SLC43A2: variants seen among roughly 807,000 people sequenced by gnomAD.
SLC43A2 encodes the protein solute carrier family 43 member 2.
In SLC43A2, 38 loss-of-function variants were observed where a neutral mutation model predicts 63.2. The ratio of observed to expected loss-of-function variants is 0.60; its 90% CI spans 0.46 to 0.79. SLC43A2 has a LOEUF of 0.79. Among genes scored for constraint, SLC43A2 ranks in the 30% least tolerant of loss-of-function variants. The probability of loss-of-function intolerance (pLI) is 0.00; values close to 1 mark genes in which losing one functional copy is unlikely to be tolerated. For missense variants in SLC43A2, 644 were observed against 756.2 expected, an observed-to-expected ratio of 0.85 and a Z score of 1.74; for synonymous variants, 322 against 331.0, an observed-to-expected ratio of 0.97 and a Z score of 0.30.
At position 1,578,170 on chromosome 17, in the gene SLC43A2, G is replaced by A; in HGVS notation, c.1424+80C>T. 1.4e-6 allele frequency: 2 copies of A among 1,408,172 alleles called. No individual in the cohort carries two copies. The highest frequency in any genetic ancestry group is 1.0e-6 in the Non-Finnish European group (1 of 1,001,454). The allele number at this position is 1,408,172 out of a possible 1,614,324, so 87.2% of individuals were successfully genotyped here. ...TGGGACAGGCTGACCCTGCCTCAGA[G>A]TCTCAGTCCCACCAGCAACCTCCCC... On this transcript the variant is annotated intron_variant, in intron 12 of 13. Transcript: ENST00000301335. This position sits in a 1 kb window ranked among gnomAD's most constrained non-coding sequence, Gnocchi z 6.5.
rs1567600423 is a variant in SLC43A2, at chr17:1,573,237, AG to A, written c.*2366del. On this transcript the variant is annotated 3_prime_UTR_variant, in exon 14 of 14. Coordinates refer to ENST00000301335, the MANE Select transcript of SLC43A2 (RefSeq NM_152346.3). ...CCAGCTGGCAGCACCCTGGCTAGTT[AG>A]GGTTTCTCCGAATCTGCAACTCCTG... The A allele has an allele frequency of 2.0e-5, 3 of 148,770 alleles. No homozygotes were observed. The highest frequency in any genetic ancestry group is 4.4e-4 in the South Asian group (2 of 4,592). 9.2% of individuals were successfully genotyped at this position (148,770 alleles called of 1,614,324 possible). A position where few individuals can be genotyped will look rare whatever the true frequency, so the allele number is the denominator to read the frequency against.
At chr17:1,625,201 C>T (rs1366392686) in intron 2 of SLC43A2, among the ~76,000 whole-genome samples, 2 of 152,198 alleles carry the variant, frequency 1.3e-5, no homozygotes, top group African/African-American at 2.4e-5. Context: ...CAGCCTGCCA[C>T]GTCTCCCAGC....
At chr17:1,625,305 G>A (rs1908567592) in intron 2 of SLC43A2, among the ~76,000 whole-genome samples, 1 of 152,190 alleles carries the variant, frequency 6.6e-6, no homozygotes, top group Non-Finnish European at 1.5e-5. Flanking sequence ...CGGTGTCTGT[G>A]GCGAGATTCT....
intron 5 of SLC43A2, among the ~76,000 whole-genome samples, chr17:1,609,093 A>G (rs191124186): frequency 6.6e-6 from 1 of 152,310 alleles, no homozygotes; most frequent in East Asian, 1.9e-4. Context: ...TAAAAATGGC[A>G]TGTCGTTTTT....
Position 1,571,244 on chromosome 17 carries a change from C to G in SLC43A2, c.*4360G>C, listed in dbSNP as rs2075842745. 6.6e-6 allele frequency: 1 copy of G among 152,338 alleles called. No homozygotes were observed. The highest frequency in any genetic ancestry group is 1.5e-5 in the Non-Finnish European group (1 of 68,120). The allele number at this position is 152,338 out of a possible 1,614,324, so 9.4% of individuals were successfully genotyped here. A position where few individuals can be genotyped will look rare whatever the true frequency, so the allele number is the denominator to read the frequency against. On this transcript the variant is annotated 3_prime_UTR_variant, in exon 14 of 14. Transcript: ENST00000301335. The surrounding 1 kb of genome is among the most constrained non-coding windows in gnomAD (Gnocchi z 5.2). The stretch of plus-strand genomic sequence containing the variant: ...CAGGCTCACAGAGCCCACCTGCTCA[C>G]CCTGACCACCCCACCCCAGGGGACC...
At chr17:1,626,881 G>T (rs1908709485) in intron 2 of SLC43A2, among the ~76,000 whole-genome samples, 1 of 152,178 alleles carries the variant, frequency 6.6e-6, no homozygotes, top group Non-Finnish European at 1.5e-5. Context: ...GAGGCTAGAG[G>T]CTGGGGGCTG....
chr17:1,623,320 G>A (rs1033893273), intron 2 of SLC43A2, among the ~76,000 whole-genome samples: 5 of 152,182 alleles, frequency 3.3e-5, no homozygotes, highest in African/African-American at 4.8e-5. Flanking sequence ...CACCACAGGT[G>A]GAGAAACTGC....
intron 11 of SLC43A2, among the ~76,000 whole-genome samples, chr17:1,581,006 T>G (rs1253821807): frequency 2.0e-5 from 3 of 152,282 alleles, no homozygotes; most frequent in Admixed American, 1.3e-4. Context: ...GGAAGGCTGC[T>G]GCTGGCGGAC....
intron 5 of SLC43A2, among the ~76,000 whole-genome samples, chr17:1,610,433 A>T (rs1172342421): frequency 8.0e-6 from 1 of 125,412 alleles, no homozygotes; most frequent in African/African-American, 3.3e-5. Context: ...CTGGCTAATT[A>T]AAAAAAAAAA....
intron 1 of SLC43A2, chr17:1,628,243 T>G: frequency 5.6e-6 from 1 of 177,568 alleles, no homozygotes. Flanking sequence ...GAACTAGTCC[T>G]GGCCTGCAGC....
At position 1,571,026 on chromosome 17, in the gene SLC43A2, C is replaced by T. The variant is rs2075840431; in HGVS notation, c.*4578G>A. ...CGAGGTCTGGGTGCTGCTAGTGGCC[C>T]TGGCTCAGTCTCAGAGCTGCCCGGA... On this transcript the variant is annotated 3_prime_UTR_variant, in exon 14 of 14. Transcript: ENST00000301335. This position sits in a 1 kb window ranked among gnomAD's most constrained non-coding sequence, Gnocchi z 5.2. 1 of 152,472 alleles carries T rather than the reference C, an allele frequency of 6.6e-6. No homozygotes were observed. Among genetic ancestry groups the T allele is most frequent in the Non-Finnish European group, 1.5e-5 (1 of 68,260 alleles). 9.4% of individuals were successfully genotyped at this position (152,472 alleles called of 1,614,324 possible). A position where few individuals can be genotyped will look rare whatever the true frequency, so the allele number is the denominator to read the frequency against.
At chr17:1,604,943 G>GTGAGGGC in intron 5 of SLC43A2, 1 of 1,514,590 alleles carries the variant, frequency 6.6e-7, no homozygotes, top group South Asian at 1.2e-5. Flanking sequence ...CGGTGCCGGA[G>GTGAGGGC]TGAGGGCTGA....
intron 6 of SLC43A2, among the ~76,000 whole-genome samples, chr17:1,592,974 G>A (rs1281164913): frequency 2.6e-5 from 4 of 152,156 alleles, no homozygotes; most frequent in Non-Finnish European, 4.4e-5. Context: ...AGGCACCTGC[G>A]GCAGATCCTG....
Position 1,605,385 on chromosome 17 carries a change from T to A in SLC43A2, c.501+7810A>T. Reference sequence around the variant, plus strand: ...AGGAGTGCCTGCAGGGCCAAGGCCCTGGGACAGTGCGGGCGCGGGAGCTTC... The same window carrying A: ...AGGAGTGCCTGCAGGGCCAAGGCCCAGGGACAGTGCGGGCGCGGGAGCTTC... On this transcript the variant is annotated intron_variant, in intron 5 of 13. Transcript: ENST00000301335. The surrounding 1 kb of genome is among the most constrained non-coding windows in gnomAD (Gnocchi z 4.9). 1 of 275,594 alleles carries A rather than the reference T, an allele frequency of 3.6e-6. No homozygotes were observed. The highest frequency in any genetic ancestry group is 5.6e-6 in the Non-Finnish European group (1 of 177,530). 17.1% of individuals were successfully genotyped at this position (275,594 alleles called of 1,614,324 possible).
At chr17:1,611,406 G>A (rs1261927063) in intron 5 of SLC43A2, among the ~76,000 whole-genome samples, 2 of 152,028 alleles carry the variant, frequency 1.3e-5, no homozygotes, top group Non-Finnish European at 2.9e-5. Context: ...AGGCTGAGGC[G>A]GGCAGATTGC....
chr17:1,598,593 G>A (rs1190329297), intron 5 of SLC43A2, among the ~76,000 whole-genome samples: 1 of 152,196 alleles, frequency 6.6e-6, no homozygotes, highest in Non-Finnish European at 1.5e-5. Context: ...GCTAGAGAAT[G>A]TTCCGGAAAA....
rs1169852349 is a variant in SLC43A2 at position 1,570,533 on chromosome 17, C to A, written c.*5071G>T. On this transcript the variant is annotated 3_prime_UTR_variant, in exon 14 of 14. Transcript: ENST00000301335. ...ACGGAGTCTCGCTCTGTCGCCCAGG[C>A]TGGAGTGCAGTGGCGGGATCTCGGC... 1 of 147,914 alleles carries A rather than the reference C, an allele frequency of 6.8e-6. No homozygotes were observed. The highest frequency in any genetic ancestry group is 1.5e-5 in the Non-Finnish European group (1 of 67,230). 9.2% of individuals were successfully genotyped at this position (147,914 alleles called of 1,614,324 possible). A position where few individuals can be genotyped will look rare whatever the true frequency, so the allele number is the denominator to read the frequency against.
At chr17:1,607,747 G>A (rs1381788603) in intron 5 of SLC43A2, among the ~76,000 whole-genome samples, 9 of 151,492 alleles carry the variant, frequency 5.9e-5, no homozygotes, top group South Asian at 2.1e-4. Context: ...TCAGAGTCTC[G>A]CTCTGTCACC....
At chr17:1,609,756 A>C (rs1291614257) in intron 5 of SLC43A2, among the ~76,000 whole-genome samples, 3 of 152,080 alleles carry the variant, frequency 2.0e-5, no homozygotes, top group Non-Finnish European at 4.4e-5. Context: ...CAGATCTCTA[A>C]GTACTGACAG....
Sources: gnomAD v4.1 joint callset for allele counts (sites outside exome capture counted in the v4.1 genomes callset) on GRCh38, gnomAD v4.1.1 for gene constraint, Gnocchi (gnomAD v3.1) non-coding constraint, MANE v1.5 for transcripts, NCBI Gene and HGNC (gene_info 2026-07-23, HGNC 2026-07-21) for gene names.